Variants in FAM184A observed in about 807,000 individuals in gnomAD.
FAM184A encodes family with sequence similarity 184 member A.
In FAM184A, 99 loss-of-function variants were observed where a neutral mutation model predicts 143.8. That is an observed-to-expected ratio of 0.69 (90% CI 0.58 to 0.81). The LOEUF (loss-of-function observed/expected upper bound fraction) is 0.81. Ranked by LOEUF, FAM184A falls within the 40% of genes least tolerant of loss-of-function variation. FAM184A has a pLI of 0.00. For missense variants in FAM184A, 1,217 were observed against 1,310.5 expected (o/e 0.93, Z 1.10); for synonymous variants, 427 against 446.4 (o/e 0.96, Z 0.55).
chr6:119,060,947 C>T (rs1787212135), intron 1 of FAM184A, among the ~76,000 whole-genome samples: 1 of 152,226 alleles, frequency 6.6e-6, no homozygotes, highest in Admixed American at 6.5e-5. Context: ...ATAAATTACC[C>T]AGTCTCAGGC....
At chr6:119,147,544 A>G (rs1020618054) in intron 1 of FAM184A, among the ~76,000 whole-genome samples, 1 of 152,212 alleles carries the variant, frequency 6.6e-6, no homozygotes, top group Non-Finnish European at 1.5e-5. Context: ...ACATGTAAAA[A>G]TAGATCTTTG....
intron 4 of FAM184A, among the ~76,000 whole-genome samples, chr6:119,018,114 A>G (rs1785325046): frequency 6.6e-6 from 1 of 152,174 alleles, no homozygotes; most frequent in African/African-American, 2.4e-5. Flanking sequence ...AAAATGAACT[A>G]ATGCAGATGT....
intron 1 of FAM184A, among the ~76,000 whole-genome samples, chr6:119,027,471 T>C (rs1329106894): frequency 6.6e-6 from 1 of 152,182 alleles, no homozygotes; most frequent in Non-Finnish European, 1.5e-5. Flanking sequence ...TCCTGTGCGA[T>C]AGGATCATTG....
In FAM184A at chr6:119,034,019, AATATAT is replaced by A. The variant is rs1166841690; in HGVS notation, c.160-9212_160-9207del. 8.4e-3 allele frequency among the ~76,000 whole-genome samples: 535 copies of A among 63,458 alleles called. 3 individuals are homozygous for A. Among genetic ancestry groups the A allele is most frequent in the Middle Eastern group, 0.014 (1 of 70 alleles). 41.6% of individuals were successfully genotyped at this position (63,458 alleles called of 152,430 possible). On this transcript the variant is annotated intron_variant, in intron 1 of 17. Coordinates refer to ENST00000338891, the MANE Select transcript of FAM184A (RefSeq NM_024581.6). ...AAAAAAAAAAAAAAAAAAAAAAAAA[AATATAT>A]ATATATATATATATATAGAGAGAGA...
rs761230864 is a variant in FAM184A at position 119,003,002 on chromosome 6, T to A, written c.1985A>T (p.Glu662Val). The A allele has an allele frequency of 5.0e-6, 8 of 1,612,624 alleles. No individual in the cohort carries two copies. Among genetic ancestry groups the A allele is most frequent in the Non-Finnish European group, 5.1e-6 (6 of 1,179,482 alleles). Reference sequence around the variant, plus strand: ...TTGAGACATTGCTGACTTCTTATCCTCTTCATGTTGAAGCCTTAACTCTTC... The same window carrying A: ...TTGAGACATTGCTGACTTCTTATCCACTTCATGTTGAAGCCTTAACTCTTC... ...LREELRLQHE[E>V]DKKSAMSQLL... The change falls in exon 9 of 18, where the codon GAG (glutamate) becomes GTG (valine). Residue 662 changes from glutamate (E) to valine (V), a missense_variant. Transcript: ENST00000338891.
Position 119,147,064 on chromosome 6 carries a change from G to GTTT in FAM184A, c.-202+2011_-202+2013dup, listed in dbSNP as rs1202971153. Among the ~76,000 whole-genome samples, 29 of 116,352 alleles carry GTTT rather than the reference G, an allele frequency of 2.5e-4. 2 individuals are homozygous for GTTT. Among genetic ancestry groups the GTTT allele is most frequent in the East Asian group, 7.5e-4 (3 of 3,980 alleles). The allele number at this position is 116,352 out of a possible 152,430, so 76.3% of individuals were successfully genotyped here. ...TCCAGCGGGGGCAGTGGCAGGCTCTGTTTTTTTTTTTTTTGTTTTTTTGTC... is the reference window on the plus strand; with the variant it reads ...TCCAGCGGGGGCAGTGGCAGGCTCTGTTTTTTTTTTTTTTTTTGTTTTTTTGTC... On this transcript the variant is annotated intron_variant, in intron 1 of 16. Coordinates refer to the FAM184A transcript ENST00000352896.
chr6:119,024,509 G>A lies in FAM184A; in HGVS notation c.464C>T (p.Ser155Phe), dbSNP rs1435008134. The change falls in exon 2 of 18, where the codon TCT becomes TTT. Residue 155 changes from serine (S) to phenylalanine (F), a missense_variant. Coordinates refer to ENST00000338891, the MANE Select transcript of FAM184A (RefSeq NM_024581.6). ...AQHVQRIVTM[S>F]REVEEIRRKF... is the part of the protein sequence containing the mutation. Reference sequence around the variant, plus strand: ...CCTTCTAATCTCTTCGACTTCTCTAGACATGGTCACTATGCGTTGGACATG... The same window carrying A: ...CCTTCTAATCTCTTCGACTTCTCTAAACATGGTCACTATGCGTTGGACATG... The A allele has an allele frequency of 1.2e-6, 2 of 1,613,762 alleles. No individual in the cohort carries two copies. Among genetic ancestry groups the A allele is most frequent in the East Asian group, 2.2e-5 (1 of 44,886 alleles).
intron 7 of FAM184A, among the ~76,000 whole-genome samples, chr6:119,004,681 A>G (rs1046904026): frequency 6.6e-6 from 1 of 152,248 alleles, no homozygotes. Context: ...GAGCTTACGC[A>G]GAGTTGTGGT....
rs763988205 is a variant in FAM184A, at chr6:119,020,116, A to G, written c.1194T>C (p.Val398=). ...MLQATQMTQE[V]TIKDLESEKS... is the part of the protein sequence containing the mutation. ...TTTCTGATTCTAAATCTTTAATTGT[A>G]ACTTCCTGGGTCATTTGAGTTGCTT... The change falls in exon 4 of 18, where the codon GTT becomes GTC. Residue 398 remains valine (V), a synonymous_variant. Coordinates refer to ENST00000338891, the MANE Select transcript of FAM184A (RefSeq NM_024581.6). 3 of 1,606,896 alleles carry G rather than the reference A, an allele frequency of 1.9e-6. No homozygotes were observed. The highest frequency in any genetic ancestry group is 4.5e-5 in the East Asian group (2 of 44,544).
At chr6:119,006,109 A>G (rs1330325857) in intron 7 of FAM184A, 1 of 765,254 alleles carries the variant, frequency 1.3e-6, no homozygotes, top group Non-Finnish European at 2.4e-6. Context: ...TATCCTTTTA[A>G]GATGTGAAGA....
At position 119,096,445 on chromosome 6, in the gene FAM184A, G is replaced by A. The variant is rs1357616298; in HGVS notation, c.-202+52633C>T. On this transcript the variant is annotated intron_variant, in intron 1 of 16. Coordinates refer to the FAM184A transcript ENST00000352896. Reference sequence around the variant, plus strand: ...AGGTCAGGAGATCGAGACCATCCTGGCTAACAAGGTGAAACCCCGTCTCTA... The same window carrying A: ...AGGTCAGGAGATCGAGACCATCCTGACTAACAAGGTGAAACCCCGTCTCTA... 1.4e-4 allele frequency among the ~76,000 whole-genome samples: 5 copies of A among 36,436 alleles called. 1 individual carries two copies. The highest frequency in any genetic ancestry group is 4.6e-4 in the African/African-American group (5 of 10,800). 23.9% of individuals were successfully genotyped at this position (36,436 alleles called of 152,430 possible). A position where few individuals can be genotyped will look rare whatever the true frequency, so the allele number is the denominator to read the frequency against.
intron 9 of FAM184A, 33 bp from the exon 10 acceptor site, chr6:118,980,383 A>T: frequency 6.4e-7 from 1 of 1,563,512 alleles, no homozygotes; most frequent in Non-Finnish European, 8.8e-7. Context: ...ATGAAGAATA[A>T]ATACAAGGCA....
chr6:119,004,434 A>G (rs1398180017), intron 7 of FAM184A, among the ~76,000 whole-genome samples: 1 of 152,250 alleles, frequency 6.6e-6, no homozygotes. Flanking sequence ...GCCATTCTAC[A>G]TTGTTGGCCT....
intron 1 of FAM184A, among the ~76,000 whole-genome samples, chr6:119,077,693 A>C (rs1445986568): frequency 1.3e-5 from 2 of 152,188 alleles, no homozygotes; most frequent in Non-Finnish European, 2.9e-5. Flanking sequence ...CATTCCTCTG[A>C]AAGTTGATTC....
intron 1 of FAM184A, among the ~76,000 whole-genome samples, chr6:119,066,705 T>C (rs1205600440): frequency 1.3e-5 from 2 of 152,244 alleles, no homozygotes; most frequent in Non-Finnish European, 2.9e-5. Flanking sequence ...ACAGTTATCT[T>C]TGCCAACTCC....
intron 9 of FAM184A, among the ~76,000 whole-genome samples, chr6:118,982,569 T>A (rs1297179623): frequency 6.6e-6 from 1 of 152,256 alleles, no homozygotes; most frequent in Non-Finnish European, 1.5e-5. Flanking sequence ...AGAATGGACA[T>A]GTTTTTCTGC....
In FAM184A at chr6:119,062,020, T is replaced by C. The variant is rs111344684; in HGVS notation, c.159+16121A>G. Among the ~76,000 whole-genome samples the C allele has an allele frequency of 3.5e-4, 53 of 152,098 alleles. 1 individual carries two copies. Among genetic ancestry groups the C allele is most frequent in the African/African-American group, 1.2e-3 (51 of 41,494 alleles). On this transcript the variant is annotated intron_variant, in intron 1 of 17. Transcript: ENST00000338891. ...AGGCAGACAGAGGTATGAGGCAAGA[T>C]GGACTGAACTGCTTGAGGCTTCCAA...
intron 1 of FAM184A, among the ~76,000 whole-genome samples, chr6:119,119,867 C>G (rs78284731): frequency 0.026 from 3,945 of 152,094 alleles, 177 homozygotes; most frequent in African/African-American, 0.09. Context: ...TGGTTTATGC[C>G]TGTAGTCCCA....
intron 6 of FAM184A, among the ~76,000 whole-genome samples, chr6:119,008,686 T>C (rs976556769): frequency 3.9e-5 from 6 of 152,212 alleles, no homozygotes; most frequent in Admixed American, 1.3e-4. Context: ...GGGAATACAG[T>C]AAGTAGAAAC....
Sources: allele counts gnomAD v4.1 joint callset (sites outside exome capture counted in the v4.1 genomes callset), GRCh38; gene constraint gnomAD v4.1.1; transcripts MANE v1.5; gene names NCBI Gene and HGNC (gene_info 2026-07-23, HGNC 2026-07-21).